Variants in ME3 observed in about 807,000 individuals in gnomAD.
ME3 encodes the protein malic enzyme 3.
In ME3, 48 loss-of-function variants were observed where a neutral mutation model predicts 68.9. The observed-to-expected ratio is 0.70, with a 90% CI of 0.55 to 0.89. The LOEUF (loss-of-function observed/expected upper bound fraction) is 0.89, where lower values mean the gene tolerates loss of function less well. ME3 is among the 40% of genes least tolerant of loss of function. The pLI is 0.00. For missense variants in ME3, 675 were observed against 797.4 expected, an observed-to-expected ratio of 0.85 and a Z score of 1.85; for synonymous variants, 320 against 318.8, an observed-to-expected ratio of 1.00 and a Z score of -0.04.
intron 4 of ME3, 23 bp from the exon 5 acceptor site, chr11:86,508,890 A>G: frequency 1.3e-6 from 2 of 1,579,394 alleles, no homozygotes; most frequent in South Asian, 1.1e-5. Flanking sequence ...AAACACGTAC[A>G]CACAGAGAAA....
chr11:86,635,339 G>A (rs1286831786), intron 2 of ME3, among the ~76,000 whole-genome samples: 3 of 152,216 alleles, frequency 2.0e-5, no homozygotes, highest in East Asian at 1.9e-4. Context: ...GAATGTGGCT[G>A]TCTGCAAGCC....
intron 2 of ME3, among the ~76,000 whole-genome samples, chr11:86,641,040 G>T (rs937779266): frequency 1.9e-5 from 2 of 104,158 alleles, no homozygotes; most frequent in East Asian, 2.7e-4. Flanking sequence ...TTTCACTGGG[G>T]GGGGGGGTCA....
At chr11:86,551,281 A>G (rs1956668377) in intron 4 of ME3, among the ~76,000 whole-genome samples, 6 of 152,084 alleles carry the variant, frequency 3.9e-5, no homozygotes, top group African/African-American at 1.2e-4. Flanking sequence ...CTGTGATCCG[A>G]GCTTGGAGCT....
intron 7 of ME3, among the ~76,000 whole-genome samples, chr11:86,467,924 G>T (rs1459527561): frequency 6.6e-6 from 1 of 151,998 alleles, no homozygotes; most frequent in Non-Finnish European, 1.5e-5. Flanking sequence ...TGCATAAGAG[G>T]CCATGTGAAT....
intron 2 of ME3, among the ~76,000 whole-genome samples, chr11:86,669,136 G>A (rs1237270015): frequency 6.6e-6 from 1 of 152,210 alleles, no homozygotes; most frequent in African/African-American, 2.4e-5. Flanking sequence ...TGGCACTCCA[G>A]TGGGAAGAGA....
intron 2 of ME3, among the ~76,000 whole-genome samples, chr11:86,601,200 T>A (rs372434061): frequency 2.7e-5 from 4 of 149,802 alleles, no homozygotes; most frequent in African/African-American, 7.3e-5. Flanking sequence ...ATTGATAGAC[T>A]GCTAGCAAGA....
chr11:86,490,574 A>G (rs1951940328), intron 6 of ME3, among the ~76,000 whole-genome samples: 1 of 152,244 alleles, frequency 6.6e-6, no homozygotes, highest in African/African-American at 2.4e-5. Flanking sequence ...CTTTGCAGTC[A>G]CCTGGACAAA....
chr11:86,648,161 G>A (rs1945155983), intron 2 of ME3, among the ~76,000 whole-genome samples: 1 of 152,108 alleles, frequency 6.6e-6, no homozygotes, highest in African/African-American at 2.4e-5. Flanking sequence ...AATGACTACT[G>A]GGTAAATAAC....
At chr11:86,509,398 TCACACACACA>T (rs3045014) in intron 4 of ME3, among the ~76,000 whole-genome samples, 22 of 144,612 alleles carry the variant, frequency 1.5e-4, no homozygotes, top group South Asian at 2.2e-4. Context: ...TACTCCATCA[TCACACACACA>T]CACACACACA....
chr11:86,446,166 T>C, intron 13 of ME3, 148 bp downstream of exon 13: 1 of 837,954 alleles, frequency 1.2e-6, no homozygotes, highest in Non-Finnish European at 1.9e-6. Flanking sequence ...AAGGTGGCCA[T>C]GAGAGATGCT....
At chr11:86,608,911 A>AT (rs1237009007) in intron 2 of ME3, among the ~76,000 whole-genome samples, 7 of 152,278 alleles carry the variant, frequency 4.6e-5, no homozygotes, top group East Asian at 1.9e-4. Flanking sequence ...AAAGGCACGT[A>AT]TTTTTTTGGA....
At chr11:86,577,175 G>C (rs1594520020) in intron 2 of ME3, among the ~76,000 whole-genome samples, 1 of 152,170 alleles carries the variant, frequency 6.6e-6, no homozygotes, top group African/African-American at 2.4e-5. Flanking sequence ...ATATCATTTA[G>C]AGAAACAAGG....
intron 9 of ME3, 123 bp from the exon 10 acceptor site, chr11:86,450,125 A>C: frequency 1.0e-6 from 1 of 965,306 alleles, no homozygotes; most frequent in South Asian, 1.6e-5. Context: ...AGGAGGCCCA[A>C]TTAAGTCCTT....
rs751885975 is a variant in ME3 at position 86,508,889 on chromosome 11, C to G, written c.468-22G>C. 8 of 1,587,378 alleles carry G rather than the reference C, an allele frequency of 5.0e-6. No individual in the cohort carries two copies. The African/African-American group carries it at 1.1e-4, about 21-fold the overall frequency. On this transcript the variant is annotated intron_variant, in intron 4 of 14. Transcript: ENST00000543262. ...TCCACTAAAAGAAATAAAACACGTA[C>G]ACACAGAGAAACCAGGCAGTCAGAT...
chr11:86,605,306 C>T (rs759386014), intron 2 of ME3, among the ~76,000 whole-genome samples: 1 of 152,174 alleles, frequency 6.6e-6, no homozygotes, highest in Admixed American at 6.6e-5. Context: ...CCTATGCCAC[C>T]GGTTCCTCCT....
intron 7 of ME3, among the ~76,000 whole-genome samples, chr11:86,472,523 G>A (rs77274287): frequency 0.045 from 6,801 of 152,260 alleles, 363 homozygotes; most frequent in African/African-American, 0.13. Context: ...GGTAAAATAT[G>A]TTAAGGAAGT....
chr11:86,437,544 A>C (rs1445476375), downstream of ME3, among the ~76,000 whole-genome samples: 1 of 114,184 alleles, frequency 8.8e-6, no homozygotes, highest in Non-Finnish European at 1.9e-5. Context: ...TTCACTTTAT[A>C]GATTTGAATA....
intron 2 of ME3, among the ~76,000 whole-genome samples, chr11:86,602,635 C>G (rs893978528): frequency 6.6e-6 from 1 of 152,148 alleles, no homozygotes; most frequent in Non-Finnish European, 1.5e-5. Flanking sequence ...AAAAAAGAGC[C>G]CGCATCAGTA....
At chr11:86,645,691 C>A (rs776236784) in intron 2 of ME3, among the ~76,000 whole-genome samples, 1 of 152,216 alleles carries the variant, frequency 6.6e-6, no homozygotes, top group African/African-American at 2.4e-5. Context: ...GCACAGCAAT[C>A]GAGCTCTGCT....
Sources: gnomAD v4.1 joint callset for allele counts (sites outside exome capture counted in the v4.1 genomes callset) on GRCh38, gnomAD v4.1.1 for gene constraint, MANE v1.5 for transcripts, NCBI Gene and HGNC (gene_info 2026-07-23, HGNC 2026-07-21) for gene names.